PDE4D: variants seen among roughly 807,000 people sequenced by gnomAD.
PDE4D encodes the protein phosphodiesterase 4D.
PDE4D carries 24 observed loss-of-function variants against 87.4 expected under a neutral mutation model. The observed-to-expected ratio is 0.27, with a 90% CI of 0.20 to 0.39. PDE4D has a LOEUF of 0.39. PDE4D is among the 10% of genes least tolerant of loss of function. The pLI is 1.00. For missense variants in PDE4D, 714 were observed against 1,041.0 expected, an observed-to-expected ratio of 0.69 and a Z score of 4.32; for synonymous variants, 384 against 383.2, an observed-to-expected ratio of 1.00 and a Z score of -0.02.
intron 1 of PDE4D, among the ~76,000 whole-genome samples, chr5:60,230,862 A>G (rs1217249172): frequency 6.6e-6 from 1 of 152,072 alleles, no homozygotes; most frequent in East Asian, 1.9e-4. Context: ...TCCATCAGAA[A>G]TAGGTAGGCT....
chr5:59,510,693 A>G (rs1033611709), intron 1 of PDE4D, among the ~76,000 whole-genome samples: 1 of 151,924 alleles, frequency 6.6e-6, no homozygotes, highest in Non-Finnish European at 1.5e-5. Context: ...GAAGATGTAA[A>G]TGAAAGAACT....
chr5:59,046,419 AATGT>A (rs1454347706), intron 5 of PDE4D, among the ~76,000 whole-genome samples: 8 of 129,610 alleles, frequency 6.2e-5, no homozygotes, highest in African/African-American at 2.2e-4. Flanking sequence ...AGAGAGAGAG[AATGT>A]GTGTGTGTGT....
At chr5:59,129,387 G>A (rs1775953398) in intron 5 of PDE4D, among the ~76,000 whole-genome samples, 1 of 152,126 alleles carries the variant, frequency 6.6e-6, no homozygotes, top group Non-Finnish European at 1.5e-5. Flanking sequence ...ACAGATGTAA[G>A]CCACTGAGCC....
chr5:59,717,806 T>G (rs1755239642), intron 1 of PDE4D, among the ~76,000 whole-genome samples: 1 of 152,190 alleles, frequency 6.6e-6, no homozygotes, highest in Non-Finnish European at 1.5e-5. Context: ...ACAGCAGACA[T>G]TGTCCTAAAC....
chr5:59,623,118 G>A (rs934081832), intron 1 of PDE4D, among the ~76,000 whole-genome samples: 1 of 152,060 alleles, frequency 6.6e-6, no homozygotes, highest in African/African-American at 2.4e-5. Flanking sequence ...TTTCAGAAAC[G>A]TTAAAATAAT....
chr5:59,095,163 AAG>A (rs750278229), intron 5 of PDE4D, among the ~76,000 whole-genome samples: 8 of 151,958 alleles, frequency 5.3e-5, no homozygotes, highest in Non-Finnish European at 7.4e-5. Context: ...AAACATAACT[AAG>A]AATGAGTGAC....
intron 11 of PDE4D, among the ~76,000 whole-genome samples, chr5:58,980,625 T>C (rs2153317159): frequency 6.6e-6 from 1 of 152,088 alleles, no homozygotes; most frequent in East Asian, 1.9e-4. Context: ...GCCCAACATA[T>C]GCTACTACTG....
At chr5:59,516,703 G>A (rs949619133) in intron 1 of PDE4D, among the ~76,000 whole-genome samples, 2 of 152,040 alleles carry the variant, frequency 1.3e-5, no homozygotes, top group South Asian at 2.1e-4. Flanking sequence ...TTTGAGGAAG[G>A]CTTAGAAATA....
At chr5:59,905,636 C>T (rs761700918) in intron 3 of PDE4D, among the ~76,000 whole-genome samples, 1 of 152,076 alleles carries the variant, frequency 6.6e-6, no homozygotes, top group Non-Finnish European at 1.5e-5. Flanking sequence ...ACAGAATCAA[C>T]TTTGCAATGT....
intron 1 of PDE4D, among the ~76,000 whole-genome samples, chr5:60,212,688 A>T (rs1743387208): frequency 6.6e-6 from 1 of 152,210 alleles, no homozygotes; most frequent in Non-Finnish European, 1.5e-5. Flanking sequence ...TTAAGCAGCT[A>T]ATGCTAGATC....
intron 1 of PDE4D, among the ~76,000 whole-genome samples, chr5:60,251,001 C>G (rs1288379005): frequency 6.6e-6 from 1 of 151,642 alleles, no homozygotes; most frequent in African/African-American, 2.4e-5. Flanking sequence ...GTATTTGTAT[C>G]TTAGTTGTTA....
chr5:60,289,466 T>A (rs1231320871), intron 1 of PDE4D, among the ~76,000 whole-genome samples: 1 of 152,134 alleles, frequency 6.6e-6, no homozygotes, highest in Non-Finnish European at 1.5e-5. Flanking sequence ...ATTCCTAACT[T>A]CTGTTCTGTT....
intron 2 of PDE4D, among the ~76,000 whole-genome samples, chr5:60,048,622 T>C (rs558589088): frequency 7.2e-4 from 110 of 152,148 alleles, no homozygotes; most frequent in Middle Eastern, 3.4e-3. Context: ...CCTTCACTTA[T>C]GAAGCTTAGT....
chr5:60,514,320 C>T (rs1035468256), intron 1 of PDE4D, among the ~76,000 whole-genome samples: 1 of 151,940 alleles, frequency 6.6e-6, no homozygotes, highest in African/African-American at 2.4e-5. Context: ...AAGAGAAAAA[C>T]AGGAACCACT....
chr5:59,175,482 T>C lies in PDE4D; in HGVS notation c.808+5113A>G, dbSNP rs1196741825. Among the ~76,000 whole-genome samples, 8 of 131,884 alleles carry C rather than the reference T, an allele frequency of 6.1e-5. 1 individual carries two copies. The highest frequency in any genetic ancestry group is 1.7e-4 in the African/African-American group (6 of 35,034). 86.5% of individuals were successfully genotyped at this position (131,884 alleles called of 152,430 possible). ...ATCCATTTTTCTTTCTTTTTTTTTTTTTTTTTTTTTTTTTTTTGAGACGGT... is the reference window on the plus strand; with the variant it reads ...ATCCATTTTTCTTTCTTTTTTTTTTCTTTTTTTTTTTTTTTTTGAGACGGT... On this transcript the variant is annotated intron_variant, in intron 5 of 14. Coordinates refer to ENST00000340635, the MANE Select transcript of PDE4D (RefSeq NM_001104631.2).
At chr5:59,903,925 A>G (rs1752549219) in intron 3 of PDE4D, among the ~76,000 whole-genome samples, 1 of 152,174 alleles carries the variant, frequency 6.6e-6, no homozygotes, top group African/African-American at 2.4e-5. Context: ...CACCAGACAG[A>G]GCAAATCAGA....
At chr5:59,063,151 G>A (rs1042110213) in intron 5 of PDE4D, 1 of 152,200 alleles carries the variant, frequency 6.6e-6, no homozygotes, top group African/African-American at 2.4e-5. Flanking sequence ...GACAGTTGAG[G>A]CTTATTGCCT....
At chr5:59,243,824 A>G (rs1758219175) in intron 1 of PDE4D, among the ~76,000 whole-genome samples, 1 of 152,100 alleles carries the variant, frequency 6.6e-6, no homozygotes, top group Admixed American at 6.6e-5. Flanking sequence ...ATGTCTTGAC[A>G]AGTTTAGACA....
intron 2 of PDE4D, among the ~76,000 whole-genome samples, chr5:60,149,583 T>C (rs1371161002): frequency 6.6e-6 from 1 of 152,118 alleles, no homozygotes; most frequent in African/African-American, 2.4e-5. Context: ...ATCTTTCTTT[T>C]CCACTAAAGG....
Sources: gnomAD v4.1 joint callset for allele counts (sites outside exome capture counted in the v4.1 genomes callset) on GRCh38, gnomAD v4.1.1 for gene constraint, MANE v1.5 for transcripts, NCBI Gene and HGNC (gene_info 2026-07-23, HGNC 2026-07-21) for gene names.